Variants in PPWD1 observed in about 807,000 individuals in gnomAD.
PPWD1 encodes the protein peptidylprolyl isomerase domain and WD repeat-containing protein 1.
A neutral mutation model predicts 68.8 loss-of-function variants in PPWD1; 43 were observed. That is an observed-to-expected ratio of 0.62 (90% CI 0.49 to 0.81). The LOEUF is 0.81. Ranked by LOEUF, PPWD1 falls within the 30% of genes least tolerant of loss-of-function variation. PPWD1 has a pLI of 0.00. For missense variants in PPWD1, 672 were observed against 804.8 expected, an observed-to-expected ratio of 0.83 and a Z score of 2.00; for synonymous variants, 232 against 258.7, an observed-to-expected ratio of 0.90 and a Z score of 0.99.
At chr5:65,571,773 A>G in intron 4 of PPWD1, 66 bp from the exon 5 acceptor site, 1 of 1,553,682 alleles carries the variant, frequency 6.4e-7, no homozygotes, top group Non-Finnish European at 8.7e-7. Context: ...TGGTAGTGGG[A>G]TAGGGAGGGA....
intron 1 of PPWD1, among the ~76,000 whole-genome samples, chr5:65,564,380 A>G (rs565174031): frequency 7.3e-6 from 1 of 137,588 alleles, no homozygotes; most frequent in Non-Finnish European, 1.5e-5. Flanking sequence ...GCTGGAGCGC[A>G]TGCAGTGGCG....
Position 65,563,401 on chromosome 5 carries a change from G to A in PPWD1, c.91G>A (p.Glu31Lys), listed in dbSNP as rs754013368. 12 of 1,614,168 alleles carry A rather than the reference G, an allele frequency of 7.4e-6. No homozygotes were observed. Among genetic ancestry groups the A allele is most frequent in the Middle Eastern group, 1.6e-4 (1 of 6,062 alleles). The change falls in exon 1 of 11, where the codon GAG becomes AAG. Residue 31 changes from glutamate (E) to lysine (K), a missense_variant. By Grantham distance (56) the Glu-to-Lys change is moderately conservative. This residue lies in a region of PPWD1 where 188 missense variants were observed against 158.6 expected (regional missense o/e 1.19). Transcript: ENST00000261308. ...GGAAAAAACAGAACTCAGCGAAAGA[G>A]AGCTGGCAGTAGCAGTGGCGGTGTC... ...EPEKTELSER[E>K]LAVAVAVSQE...
chr5:65,568,991 T>C, intron 2 of PPWD1: 1 of 455,958 alleles, frequency 2.2e-6, no homozygotes, highest in Non-Finnish European at 4.4e-6. Flanking sequence ...TATATGGACC[T>C]GAGGCAAGTA....
At chr5:65,563,977 C>T (rs1752500456) in intron 1 of PPWD1, 4 of 787,706 alleles carry the variant, frequency 5.1e-6, no homozygotes, top group Non-Finnish European at 8.1e-6. Flanking sequence ...TCTGACACTT[C>T]CACTAATAAA....
chr5:65,563,980 C>T, intron 1 of PPWD1: 1 of 782,070 alleles, frequency 1.3e-6, no homozygotes, highest in African/African-American at 1.7e-5. Context: ...GACACTTCCA[C>T]TAATAAATTT....
chr5:65,563,910 G>C, intron 1 of PPWD1: 1 of 1,362,272 alleles, frequency 7.3e-7, no homozygotes. Flanking sequence ...AATGTGTTGG[G>C]GCGCGAGAGG....
intron 4 of PPWD1, chr5:65,570,302 T>TG: frequency 1.1e-6 from 1 of 890,690 alleles, no homozygotes; most frequent in Non-Finnish European, 1.3e-6. Context: ...GTAGTTACAG[T>TG]TAACTTCCTT....
At position 65,587,382 on chromosome 5, in the gene PPWD1, A is replaced by G; in HGVS notation, c.1927A>G (p.Ile643Val). 1 of 1,606,618 alleles carries G rather than the reference A, an allele frequency of 6.2e-7. No individual in the cohort carries two copies. The highest frequency in any genetic ancestry group is 8.5e-7 in the Non-Finnish European group (1 of 1,175,680). Residue 643 changes from isoleucine to valine, a missense_variant, in exon 11 of 11, where the codon ATT becomes GTT. Ile to Val is a conservative substitution (Grantham distance 29). Around this residue, in one of 2 missense-constraint regions of PPWD1, gnomAD observed 484 missense variants for 646.2 expected, o/e 0.75. Coordinates refer to ENST00000261308, the MANE Select transcript of PPWD1 (RefSeq NM_015342.4). The stretch of plus-strand genomic sequence containing the variant: ...CTATGAGGATGTCAGCATCATAAAT[A>G]TTACTGTCAAGTAAAATAAGATTTG... Reference protein sequence around the residue: ...KPYEDVSIINITVK With the variant: ...KPYEDVSIINVTVK
At chr5:65,578,751 C>CAT (rs1331821309) in intron 6 of PPWD1, among the ~76,000 whole-genome samples, 5 of 138,458 alleles carry the variant, frequency 3.6e-5, no homozygotes, top group Non-Finnish European at 7.7e-5. Context: ...TATATACACA[C>CAT]ATATATGTGT....
At chr5:65,565,882 A>G (rs116705554) in intron 1 of PPWD1, among the ~76,000 whole-genome samples, 2,891 of 152,074 alleles carry the variant, frequency 0.019, 67 homozygotes, top group African/African-American at 0.058. Flanking sequence ...CATACATAGA[A>G]TGTTACAAAA....
Position 65,567,534 on chromosome 5 carries a change from A to G in PPWD1, c.218A>G (p.Tyr73Cys), listed in dbSNP as rs546684178. Reference sequence around the variant, plus strand: ...TCAGTCTTAGAGTTTGAAAGAGTCTATCTTGATAATCTCCCCAGTGCATCC... The same window carrying G: ...TCAGTCTTAGAGTTTGAAAGAGTCTGTCTTGATAATCTCCCCAGTGCATCC... ...KRKVLEFERV[Y>C]LDNLPSASMY... The change falls in exon 2 of 11, where the codon TAT becomes TGT. Residue 73 changes from tyrosine to cysteine, a missense_variant. Physicochemically the swap from Tyr to Cys is radical, Grantham distance 194. Around this residue, in one of 2 missense-constraint regions of PPWD1, gnomAD observed 188 missense variants for 158.6 expected, o/e 1.19. Coordinates refer to ENST00000261308, the MANE Select transcript of PPWD1 (RefSeq NM_015342.4). 6.2e-6 allele frequency: 10 copies of G among 1,611,786 alleles called. No individual in the cohort carries two copies. Among genetic ancestry groups the G allele is most frequent in the Middle Eastern group, 1.7e-4 (1 of 6,042 alleles).
chr5:65,567,603 T>C lies in PPWD1; in HGVS notation c.287T>C (p.Val96Ala). Residue 96 changes from valine (V) to alanine (A), a missense_variant, in exon 2 of 11, where the codon GTG becomes GCG. This residue lies in a region of PPWD1 where 188 missense variants were observed against 158.6 expected (regional missense o/e 1.19). Coordinates refer to ENST00000261308, the MANE Select transcript of PPWD1 (RefSeq NM_015342.4). ...SYMHRDVITHVVCTKTDFIIT... is the reference protein window; with the variant it reads ...SYMHRDVITHAVCTKTDFIIT... Reference sequence around the variant, plus strand: ...ATGCATAGAGATGTTATCACCCATGTGGTATGCACCAAGTAAGTCTATCAC... The same window carrying C: ...ATGCATAGAGATGTTATCACCCATGCGGTATGCACCAAGTAAGTCTATCAC... 6.2e-7 allele frequency: 1 copy of C among 1,602,286 alleles called. No individual in the cohort carries two copies. The highest frequency in any genetic ancestry group is 1.1e-5 in the South Asian group (1 of 88,860).
chr5:65,583,252 T>C, intron 8 of PPWD1, 33 bp downstream of exon 8: 3 of 1,447,634 alleles, frequency 2.1e-6, no homozygotes, highest in Non-Finnish European at 2.8e-6. Flanking sequence ...TTGGCTTATG[T>C]AATTAAGAAT....
chr5:65,576,997 T>G lies in PPWD1; in HGVS notation c.1088T>G (p.Phe363Cys). 3.1e-6 allele frequency: 5 copies of G among 1,614,184 alleles called. No homozygotes were observed. The highest frequency in any genetic ancestry group is 4.2e-6 in the Non-Finnish European group (5 of 1,180,006). Residue 363 changes from phenylalanine to cysteine, a missense_variant, in exon 6 of 11, where the codon TTT becomes TGT. By Grantham distance (205) the Phe-to-Cys change is radical. Transcript: ENST00000261308. ...GCTGTAAGATTAATTAATATAGTTTTTGATGAAACTGGACACTTCGTGCTG... is the reference window on the plus strand; with the variant it reads ...GCTGTAAGATTAATTAATATAGTTTGTGATGAAACTGGACACTTCGTGCTG... Reference protein sequence around the residue: ...VDAVRLINIVFDETGHFVLYG... With the variant: ...VDAVRLINIVCDETGHFVLYG...
At chr5:65,576,617 C>T (rs1753296763) in intron 5 of PPWD1, among the ~76,000 whole-genome samples, 2 of 152,010 alleles carry the variant, frequency 1.3e-5, no homozygotes, top group Admixed American at 1.3e-4. Context: ...TCAGGTGATC[C>T]ACCTGCCTTG....
At chr5:65,565,807 C>CAAAAAAAAAAAAAAAA (rs35080676) in intron 1 of PPWD1, among the ~76,000 whole-genome samples, 1 of 103,376 alleles carries the variant, frequency 9.7e-6, no homozygotes, top group Non-Finnish European at 2.0e-5. Flanking sequence ...GACTCCGTCT[C>CAAAAAAAAAAAAAAAA]AAAAAAAAAA....
At chr5:65,572,875 G>C (rs1753077425) in intron 5 of PPWD1, among the ~76,000 whole-genome samples, 2 of 152,062 alleles carry the variant, frequency 1.3e-5, no homozygotes, top group African/African-American at 4.8e-5. Context: ...TCTTTTGCCT[G>C]ACCTATTACA....
chr5:65,583,931 A>G (rs1361077732), intron 8 of PPWD1, among the ~76,000 whole-genome samples: 1 of 152,152 alleles, frequency 6.6e-6, no homozygotes, highest in Non-Finnish European at 1.5e-5. Context: ...CAACCTGGGC[A>G]ACAGAGTGAG....
rs1201221691 is a variant in PPWD1 at position 65,580,866 on chromosome 5, C to T, written c.1350+1253C>T. Among the ~76,000 whole-genome samples the T allele has an allele frequency of 3.9e-5, 6 of 152,162 alleles. No homozygotes were observed. In the South Asian group the frequency reaches 1.2e-3, roughly 32 times the overall value. On this transcript the variant is annotated intron_variant, in intron 7 of 10. Transcript: ENST00000261308. ...AGTTAGATGTGCCTGCTATGTTTCT[C>T]TTATGCTTCCCCTGTCATATGATGT...
Sources: allele counts gnomAD v4.1 joint callset (sites outside exome capture counted in the v4.1 genomes callset), GRCh38; gene constraint gnomAD v4.1.1; regional missense constraint gnomAD v4.1.1; transcripts MANE v1.5; gene names NCBI Gene and HGNC (gene_info 2026-07-23, HGNC 2026-07-21).